The following GRID1 variants were observed in gnomAD, a reference collection of about 807,000 sequenced individuals.
GRID1 encodes glutamate ionotropic receptor delta type subunit 1.
GRID1 carries 28 observed loss-of-function variants against 98.0 expected under a neutral mutation model. The observed-to-expected ratio is 0.29, with a 90% confidence interval of 0.21 to 0.39. The LOEUF (loss-of-function observed/expected upper bound fraction) is 0.39. GRID1 is among the 10% of genes least tolerant of loss of function. GRID1 has a pLI of 1.00. For synonymous variants in GRID1, 553 were observed against 538.5 expected (o/e 1.03, Z -0.37); for missense variants, 1,111 against 1,340.5 (o/e 0.83, Z 2.67).
chr10:86,119,739 C>G (rs1478273928), intron 4 of GRID1, among the ~76,000 whole-genome samples: 1 of 152,118 alleles, frequency 6.6e-6, no homozygotes, highest in African/African-American at 2.4e-5. Context: ...TTCAAGAACA[C>G]AGATGTGAGG....
intron 2 of GRID1, among the ~76,000 whole-genome samples, chr10:86,301,068 A>G (rs1409539318): frequency 1.3e-5 from 2 of 152,152 alleles, no homozygotes; most frequent in Non-Finnish European, 2.9e-5. Context: ...CAGGCCCTGG[A>G]GGGTCCCCTG....
chr10:86,089,789 C>A (rs1844118280), intron 4 of GRID1, among the ~76,000 whole-genome samples: 1 of 151,988 alleles, frequency 6.6e-6, no homozygotes, highest in African/African-American at 2.4e-5. Context: ...TCTTGTCACC[C>A]AGGCTGGAGT....
chr10:85,696,046 T>C (rs1311333183), intron 12 of GRID1, among the ~76,000 whole-genome samples: 1 of 152,146 alleles, frequency 6.6e-6, no homozygotes, highest in East Asian at 1.9e-4. Context: ...TGTTCCTAAT[T>C]CTTTATATAT....
intron 12 of GRID1, among the ~76,000 whole-genome samples, chr10:85,698,008 T>C (rs1050797583): frequency 9.2e-5 from 14 of 152,130 alleles, no homozygotes; most frequent in African/African-American, 3.1e-4. Context: ...AGTTACTAAC[T>C]TGAATGGCTT....
chr10:85,889,527 T>C (rs1322251520), intron 5 of GRID1, among the ~76,000 whole-genome samples: 2 of 152,224 alleles, frequency 1.3e-5, no homozygotes, highest in African/African-American at 4.8e-5. Context: ...CTCTTTCTTA[T>C]GGCTGAATAG....
intron 2 of GRID1, among the ~76,000 whole-genome samples, chr10:86,247,259 A>ATG (rs144925178): frequency 3.9e-4 from 55 of 139,658 alleles, no homozygotes; most frequent in Non-Finnish European, 6.3e-4. Flanking sequence ...ATGGATGGAT[A>ATG]GATGGATGGA....
At chr10:85,880,448 G>T (rs1840989525) in intron 5 of GRID1, among the ~76,000 whole-genome samples, 2 of 152,130 alleles carry the variant, frequency 1.3e-5, no homozygotes, top group Non-Finnish European at 2.9e-5. Flanking sequence ...TTCATCCCTG[G>T]GATGCAAGGC....
At position 86,111,155 on chromosome 10, in the gene GRID1, G is replaced by C. The variant is rs530534840; in HGVS notation, c.726+27664C>G. ...CCAGTAGATTTTCAAGAACATGAAG[G>C]TGATAGAAACTCAAGAGGACAGGTG... On this transcript the variant is annotated intron_variant, in intron 4 of 15. Coordinates refer to ENST00000327946, the MANE Select transcript of GRID1 (RefSeq NM_017551.3). Among the ~76,000 whole-genome samples the C allele has an allele frequency of 3.9e-5, 6 of 152,312 alleles. No individual in the cohort carries two copies. The East Asian group carries it at 1.2e-3, about 29-fold the overall frequency.
chr10:86,222,502 G>GT (rs1244796030), intron 2 of GRID1, among the ~76,000 whole-genome samples: 1 of 152,142 alleles, frequency 6.6e-6, no homozygotes, highest in Non-Finnish European at 1.5e-5. Context: ...AAGCCCCATA[G>GT]AAACCATGCA....
At chr10:85,855,787 A>AG (rs1843104094) in intron 7 of GRID1, among the ~76,000 whole-genome samples, 1 of 152,182 alleles carries the variant, frequency 6.6e-6, no homozygotes, top group African/African-American at 2.4e-5. Flanking sequence ...CAAGTTGCTT[A>AG]ACCTCTCAGA....
At chr10:85,970,352 A>G (rs1013986379) in intron 4 of GRID1, among the ~76,000 whole-genome samples, 3 of 152,098 alleles carry the variant, frequency 2.0e-5, no homozygotes, top group Admixed American at 1.3e-4. Context: ...AAAATCAGAC[A>G]AAGACACCAC....
At chr10:86,101,417 T>C (rs992630292) in intron 4 of GRID1, among the ~76,000 whole-genome samples, 5 of 152,212 alleles carry the variant, frequency 3.3e-5, no homozygotes, top group Non-Finnish European at 2.9e-5. Flanking sequence ...CAATTCCTTA[T>C]GGCTCTTTGT....
At chr10:86,074,507 T>C (rs1843852474) in intron 4 of GRID1, among the ~76,000 whole-genome samples, 1 of 152,232 alleles carries the variant, frequency 6.6e-6, no homozygotes, top group African/African-American at 2.4e-5. Context: ...GATGATGAAA[T>C]TGACATAATT....
At chr10:86,159,332 T>C (rs1845287885) in intron 3 of GRID1, among the ~76,000 whole-genome samples, 1 of 152,204 alleles carries the variant, frequency 6.6e-6, no homozygotes, top group Non-Finnish European at 1.5e-5. Context: ...TCCCAAAGGT[T>C]ATAATGGAGC....
At chr10:86,222,167 A>T (rs1227385757) in intron 2 of GRID1, among the ~76,000 whole-genome samples, 2 of 152,252 alleles carry the variant, frequency 1.3e-5, no homozygotes, top group East Asian at 3.9e-4. Flanking sequence ...AGGGGGGGCC[A>T]CCCATTTGCA....
chr10:86,043,107 CTA>C (rs1352960727), intron 4 of GRID1, among the ~76,000 whole-genome samples: 1 of 152,064 alleles, frequency 6.6e-6, no homozygotes, highest in Non-Finnish European at 1.5e-5. Flanking sequence ...AAGAAAGTGT[CTA>C]TTTTATTAGA....
chr10:86,119,209 C>T (rs1039819678), intron 4 of GRID1, among the ~76,000 whole-genome samples: 1 of 152,046 alleles, frequency 6.6e-6, no homozygotes, highest in Non-Finnish European at 1.5e-5. Flanking sequence ...GTGGTGTGTA[C>T]CTGTAGTTCC....
chr10:85,877,934 T>C (rs560551135), intron 5 of GRID1, among the ~76,000 whole-genome samples: 2 of 152,292 alleles, frequency 1.3e-5, no homozygotes, highest in African/African-American at 4.8e-5. Flanking sequence ...AAGGAGCTGA[T>C]GGAGCTGAAA....
chr10:86,082,797 T>C (rs915117686), intron 4 of GRID1, among the ~76,000 whole-genome samples: 3 of 152,174 alleles, frequency 2.0e-5, no homozygotes, highest in Non-Finnish European at 2.9e-5. Flanking sequence ...TGTGTACAGA[T>C]TGTCCCCTCT....
Sources: allele counts gnomAD v4.1 joint callset (sites outside exome capture counted in the v4.1 genomes callset), GRCh38; gene constraint gnomAD v4.1.1; transcripts MANE v1.5; gene names NCBI Gene and HGNC (gene_info 2026-07-23, HGNC 2026-07-21).